Variants in CACNA1A observed in about 807,000 individuals in gnomAD.
CACNA1A encodes the protein calcium voltage-gated channel subunit alpha1 A, also known as voltage-dependent P/Q-type calcium channel subunit alpha-1A.
In CACNA1A, 57 loss-of-function variants were observed where a neutral mutation model predicts 262.4. That is an observed-to-expected ratio of 0.22 (90% CI 0.18 to 0.27). The LOEUF (loss-of-function observed/expected upper bound fraction) is 0.27. Ranked by LOEUF, CACNA1A falls within the 10% of genes least tolerant of loss-of-function variation. The pLI, the probability that CACNA1A is intolerant of heterozygous loss-of-function variation, is 1.00. For synonymous variants in CACNA1A, 1,431 were observed against 1,419.3 expected, an observed-to-expected ratio of 1.01 and a Z score of -0.18; for missense variants, 2,526 against 3,562.8, an observed-to-expected ratio of 0.71 and a Z score of 7.41.
intron 37 of CACNA1A, chr19:13,226,904 T>C (rs1800951941): frequency 6.6e-6 from 1 of 152,488 alleles, no homozygotes; most frequent in Admixed American, 6.5e-5. Context: ...TTGGTGCTCC[T>C]TGGAAGGTCT....
intron 38 of CACNA1A, among the ~76,000 whole-genome samples, chr19:13,216,425 C>T (rs2055012869): frequency 1.2e-5 from 1 of 80,174 alleles, no homozygotes; most frequent in South Asian, 5.8e-4. Context: ...GCAACCTCCA[C>T]CTTCAGAGTT....
Position 13,255,188 on chromosome 19 carries a change from G to C in CACNA1A, c.4662C>G (p.Phe1554Leu), listed in dbSNP as rs182161386. The change falls in exon 29 of 47, where the codon TTC becomes TTG. Residue 1554 changes from phenylalanine (F) to leucine (L), a missense_variant. Physicochemically the swap from Phe to Leu is conservative, Grantham distance 22 (BLOSUM62 0). Around this residue, in one of 17 missense-constraint regions of CACNA1A, gnomAD observed 36 missense variants for 47.3 expected, o/e 0.76. Coordinates refer to ENST00000360228, the MANE Select transcript of CACNA1A (RefSeq NM_001127222.2). Reference protein sequence around the residue: ...TRHMPQNKQSFQYRMWQFVVS... With the variant: ...TRHMPQNKQSLQYRMWQFVVS... The stretch of plus-strand genomic sequence containing the variant: ...CCACGAACTGCCACATGCGGTACTG[G>C]AAGCTCTGCTTGTTCTGCGGCATGT... The C allele has an allele frequency of 4.3e-6, 7 of 1,613,714 alleles. No individual in the cohort carries two copies. In the African/African-American group the frequency reaches 5.3e-5, roughly 12 times the overall value.
intron 38 of CACNA1A, among the ~76,000 whole-genome samples, chr19:13,222,256 G>A (rs1240038989): frequency 1.3e-5 from 2 of 152,114 alleles, no homozygotes; most frequent in African/African-American, 4.8e-5. Flanking sequence ...TGGCCAGGCT[G>A]ATCTCGAACT....
intron 3 of CACNA1A, among the ~76,000 whole-genome samples, chr19:13,417,561 G>T (rs1033911004): frequency 6.6e-6 from 1 of 152,150 alleles, no homozygotes; most frequent in Non-Finnish European, 1.5e-5. Flanking sequence ...ACTGGCCTGG[G>T]CTTCTGCAAT....
At chr19:13,439,900 G>C (rs1400397025) in intron 3 of CACNA1A, among the ~76,000 whole-genome samples, 1 of 152,158 alleles carries the variant, frequency 6.6e-6, no homozygotes, top group African/African-American at 2.4e-5. Context: ...ATCATGTTTG[G>C]ATCACTTGGT....
intron 3 of CACNA1A, among the ~76,000 whole-genome samples, chr19:13,372,084 A>G (rs934078935): frequency 6.6e-5 from 10 of 152,144 alleles, no homozygotes; most frequent in African/African-American, 2.2e-4. Flanking sequence ...TTCACAACCT[A>G]CAATGACAAT....
At chr19:13,344,969 G>A (rs1472219759) in intron 6 of CACNA1A, among the ~76,000 whole-genome samples, 3 of 151,932 alleles carry the variant, frequency 2.0e-5, no homozygotes, top group Non-Finnish European at 4.4e-5. Flanking sequence ...ATGTTGGCCA[G>A]GCTGGTCTTG....
Position 13,446,442 on chromosome 19 carries a change from C to CTTTTTTT in CACNA1A, c.539+6427_539+6433dup, listed in dbSNP as rs547034790. Among the ~76,000 whole-genome samples the CTTTTTTT allele has an allele frequency of 3.3e-5, 4 of 122,540 alleles. 1 individual carries two copies. The highest frequency in any genetic ancestry group is 9.5e-5 in the African/African-American group (3 of 31,454). 80.4% of individuals were successfully genotyped at this position (122,540 alleles called of 152,430 possible). Reference sequence around the variant, plus strand: ...GTGTGTGCGCGCGTGTTTTTTCTTTCTTTTTTTTTTTTTTTTTGAGACAGA... The same window carrying CTTTTTTT: ...GTGTGTGCGCGCGTGTTTTTTCTTTCTTTTTTTTTTTTTTTTTTTTTTTTGAGACAGA... On this transcript the variant is annotated intron_variant, in intron 3 of 46. Coordinates refer to ENST00000360228, the MANE Select transcript of CACNA1A (RefSeq NM_001127222.2).
chr19:13,420,551 CCAGA>C (rs2060301129), intron 3 of CACNA1A, among the ~76,000 whole-genome samples: 1 of 151,938 alleles, frequency 6.6e-6, no homozygotes, highest in Non-Finnish European at 1.5e-5. Flanking sequence ...GAAGTGGATG[CCAGA>C]CAAAGAATAC....
intron 1 of CACNA1A, among the ~76,000 whole-genome samples, chr19:13,468,135 A>G (rs1407178526): frequency 6.6e-6 from 1 of 152,248 alleles, no homozygotes; most frequent in Non-Finnish European, 1.5e-5. Context: ...GAAAACAGAA[A>G]GAAAAAACAA....
At chr19:13,250,995 GC>G (rs2056380124) in intron 30 of CACNA1A, among the ~76,000 whole-genome samples, 1 of 151,430 alleles carries the variant, frequency 6.6e-6, no homozygotes, top group East Asian at 2.0e-4. Context: ...AGCCTGGCAT[GC>G]TGGTGTGCAT....
intron 3 of CACNA1A, among the ~76,000 whole-genome samples, chr19:13,397,630 T>G (rs2059831394): frequency 6.6e-6 from 1 of 152,088 alleles, no homozygotes; most frequent in Non-Finnish European, 1.5e-5. Flanking sequence ...TCGATCAAAA[T>G]GTGGAGCTTG....
intron 43 of CACNA1A, 40 bp from the exon 44 acceptor site, chr19:13,210,692 G>A (rs1182624661): frequency 2.6e-6 from 4 of 1,549,626 alleles, no homozygotes; most frequent in East Asian, 2.4e-5. Context: ...AGAAAAAACA[G>A]AAAGAAGAAA....
chr19:13,449,351 G>A (rs1340568746), intron 3 of CACNA1A, among the ~76,000 whole-genome samples: 1 of 152,028 alleles, frequency 6.6e-6, no homozygotes, highest in Non-Finnish European at 1.5e-5. Context: ...TGTTGCCCAA[G>A]CTGGAGTGCA....
At chr19:13,256,177 T>C (rs1026164845) in intron 28 of CACNA1A, 11 of 151,812 alleles carry the variant, frequency 7.2e-5, no homozygotes, top group African/African-American at 2.7e-4. Context: ...TTTTTTTTAA[T>C]CATAGAGATG....
chr19:13,209,535 A>G, intron 44 of CACNA1A, 37 bp from the exon 45 acceptor site: 1 of 1,270,478 alleles, frequency 7.9e-7, no homozygotes, highest in Non-Finnish European at 1.0e-6. Flanking sequence ...TGGGGTCAGC[A>G]GCTAGCACCA....
At chr19:13,442,384 C>A (rs1331169083) in intron 3 of CACNA1A, among the ~76,000 whole-genome samples, 1 of 152,136 alleles carries the variant, frequency 6.6e-6, no homozygotes, top group Non-Finnish European at 1.5e-5. Context: ...TTGAGGGATG[C>A]TACCGAGGTT....
At chr19:13,257,056 G>T (rs1009229862) in intron 28 of CACNA1A, 2 of 227,356 alleles carry the variant, frequency 8.8e-6, no homozygotes, top group Non-Finnish European at 1.7e-5. Context: ...CACAACTGAT[G>T]TTGACATGCA....
intron 1 of CACNA1A, among the ~76,000 whole-genome samples, chr19:13,493,629 T>C (rs569910421): frequency 7.8e-4 from 119 of 152,360 alleles, no homozygotes; most frequent in African/African-American, 2.7e-3. Flanking sequence ...AAATTCCTTC[T>C]ACAGATTCAA....
Sources: gnomAD v4.1 joint callset for allele counts (sites outside exome capture counted in the v4.1 genomes callset) on GRCh38, gnomAD v4.1.1 for gene constraint, gnomAD v4.1.1 regional missense constraint, MANE v1.5 for transcripts, NCBI Gene and HGNC (gene_info 2026-07-23, HGNC 2026-07-21) for gene names.